The following AKAP13 variants were observed in gnomAD, a reference collection of about 807,000 sequenced individuals.
The protein encoded by AKAP13 is A-kinase anchor protein 13.
Under a neutral mutation model 264.5 loss-of-function variants are expected in AKAP13, and 80 were observed. That is an observed-to-expected ratio of 0.30 (90% CI 0.25 to 0.36). AKAP13 has a LOEUF of 0.36. AKAP13 is among the 10% of genes least tolerant of loss of function. The probability of loss-of-function intolerance (pLI) is 1.00; values close to 1 mark genes in which losing one functional copy is unlikely to be tolerated. For missense variants in AKAP13, 3,712 were observed against 3,435.2 expected (o/e 1.08, Z -2.01); for synonymous variants, 1,380 against 1,250.2 (o/e 1.10, Z -2.19).
chr15:85,659,517 A>C (rs1206582003), intron 12 of AKAP13, among the ~76,000 whole-genome samples: 2 of 152,220 alleles, frequency 1.3e-5, no homozygotes, highest in Non-Finnish European at 2.9e-5. Context: ...TCAGATAATC[A>C]TGATTCCTAT....
At chr15:85,697,308 C>A in intron 17 of AKAP13, among the ~76,000 whole-genome samples, 1 of 152,172 alleles carries the variant, frequency 6.6e-6, no homozygotes, top group African/African-American at 2.4e-5. Flanking sequence ...CAGTGGCTCA[C>A]GCCTGTAATC....
chr15:85,516,471 G>A (rs2076603856), intron 2 of AKAP13, among the ~76,000 whole-genome samples: 2 of 152,206 alleles, frequency 1.3e-5, no homozygotes, highest in Non-Finnish European at 2.9e-5. Flanking sequence ...ACTTAAAGTG[G>A]TGATAATACT....
intron 1 of AKAP13, among the ~76,000 whole-genome samples, chr15:85,426,683 C>G (rs2072792919): frequency 6.6e-6 from 1 of 152,122 alleles, no homozygotes; most frequent in Non-Finnish European, 1.5e-5. Flanking sequence ...TTGTCTAGCA[C>G]AGTTTCTACT....
At chr15:85,486,156 A>G (rs1367437868) in intron 2 of AKAP13, among the ~76,000 whole-genome samples, 1 of 152,158 alleles carries the variant, frequency 6.6e-6, no homozygotes, top group Non-Finnish European at 1.5e-5. Flanking sequence ...TGGCAAGAGT[A>G]CTGTTTTCTT....
intron 5 of AKAP13, among the ~76,000 whole-genome samples, chr15:85,566,014 T>G (rs2078593298): frequency 6.6e-6 from 1 of 152,206 alleles, no homozygotes; most frequent in African/African-American, 2.4e-5. Context: ...GGAACATAGG[T>G]GCATGGTAAC....
At chr15:85,709,065 A>G (rs2151692404) in intron 18 of AKAP13, among the ~76,000 whole-genome samples, 1 of 152,320 alleles carries the variant, frequency 6.6e-6, no homozygotes, top group African/African-American at 2.4e-5. Flanking sequence ...GCCTATGGAC[A>G]CATATTTTGT....
chr15:85,552,717 TC>T (rs1348982427), intron 5 of AKAP13, among the ~76,000 whole-genome samples: 1 of 141,138 alleles, frequency 7.1e-6, no homozygotes, highest in Admixed American at 7.6e-5. Context: ...AACCTCCGCC[TC>T]CCGGGTTCAA....
chr15:85,486,644 T>C (rs1430038058), intron 2 of AKAP13, among the ~76,000 whole-genome samples: 1 of 152,188 alleles, frequency 6.6e-6, no homozygotes, highest in African/African-American at 2.4e-5. Flanking sequence ...TTGGTAGTTT[T>C]CACTGTATAA....
intron 7 of AKAP13, among the ~76,000 whole-genome samples, chr15:85,583,767 G>C (rs975451603): frequency 5.3e-5 from 8 of 152,204 alleles, no homozygotes; most frequent in Non-Finnish European, 1.0e-4. Flanking sequence ...GAGAATTTCA[G>C]ACTTTGATTT....
At chr15:85,488,367 T>G (rs960099787) in intron 2 of AKAP13, among the ~76,000 whole-genome samples, 1 of 152,236 alleles carries the variant, frequency 6.6e-6, no homozygotes, top group Non-Finnish European at 1.5e-5. Flanking sequence ...TACATAGAGA[T>G]ATGTTCTATA....
intron 8 of AKAP13, 71 bp downstream of exon 8, chr15:85,585,894 C>A: frequency 6.4e-7 from 1 of 1,571,562 alleles, no homozygotes; most frequent in Non-Finnish European, 8.7e-7. Context: ...TTATTTATGG[C>A]TTTGTCTTTT....
intron 16 of AKAP13, among the ~76,000 whole-genome samples, chr15:85,688,685 A>G (rs2085084673): frequency 6.6e-6 from 1 of 152,240 alleles, no homozygotes; most frequent in Non-Finnish European, 1.5e-5. Flanking sequence ...CTAGGAGGGT[A>G]ACATATTTTG....
At chr15:85,497,230 G>A (rs994343402) in intron 2 of AKAP13, among the ~76,000 whole-genome samples, 1 of 152,284 alleles carries the variant, frequency 6.6e-6, no homozygotes, top group South Asian at 2.1e-4. Flanking sequence ...CACCTATTAG[G>A]TGAATGGGAC....
At position 85,744,715 on chromosome 15, in the gene AKAP13, C is replaced by T. The variant is rs776795851; in HGVS notation, c.*38C>T. ...CTGCTGAGGCAGCTGCCTCCTGATC[C>T]TGGCCAGCCCACCTCTCCTGCTGTC... On this transcript the variant is annotated 3_prime_UTR_variant, in exon 37 of 37. Coordinates refer to ENST00000394518, the MANE Select transcript of AKAP13 (RefSeq NM_007200.5). The T allele has an allele frequency of 7.7e-6, 12 of 1,560,154 alleles. No homozygotes were observed. Among genetic ancestry groups the T allele is most frequent in the Non-Finnish European group, 1.0e-5 (12 of 1,153,292 alleles).
intron 5 of AKAP13, among the ~76,000 whole-genome samples, chr15:85,570,408 C>T (rs181724998): frequency 9.2e-5 from 14 of 152,144 alleles, no homozygotes; most frequent in African/African-American, 2.4e-4. Context: ...GCCGAGATCG[C>T]GCCACTGCTC....
chr15:85,393,213 T>TG (rs1200910395), intron 1 of AKAP13, among the ~76,000 whole-genome samples: 5 of 152,168 alleles, frequency 3.3e-5, no homozygotes, highest in African/African-American at 1.2e-4. Context: ...GTACACAGAG[T>TG]GTACATCCTC....
chr15:85,391,848 G>A (rs765858533), intron 1 of AKAP13, among the ~76,000 whole-genome samples: 9 of 151,482 alleles, frequency 5.9e-5, no homozygotes, highest in Non-Finnish European at 1.0e-4. Context: ...GCAGCGGTGC[G>A]ATCTCGGCTC....
At chr15:85,578,844 C>T in intron 6 of AKAP13, 86 bp from the exon 7 acceptor site, 1 of 1,287,300 alleles carries the variant, frequency 7.8e-7, no homozygotes, top group Non-Finnish European at 1.1e-6. Flanking sequence ...GAAGTGAGTT[C>T]TGTCCAACAG....
chr15:85,667,752 CT>C (rs1363887019), intron 13 of AKAP13, among the ~76,000 whole-genome samples: 1 of 152,126 alleles, frequency 6.6e-6, no homozygotes. Context: ...AATTTCTCTG[CT>C]TTTTTCCAGG....
Sources: gnomAD v4.1 joint callset for allele counts (sites outside exome capture counted in the v4.1 genomes callset) on GRCh38, gnomAD v4.1.1 for gene constraint, MANE v1.5 for transcripts, NCBI Gene and HGNC (gene_info 2026-07-23, HGNC 2026-07-21) for gene names.